Variants in RFX7 observed in about 807,000 individuals in gnomAD.
RFX7 encodes the protein DNA-binding protein RFX7.
In RFX7, 26 loss-of-function variants were observed where a neutral mutation model predicts 111.8. That is an observed-to-expected ratio of 0.23 (90% CI 0.17 to 0.32). RFX7 has a LOEUF of 0.32. Ranked by LOEUF, RFX7 falls within the 10% of genes least tolerant of loss-of-function variation. The probability of loss-of-function intolerance (pLI) is 1.00; values close to 1 mark genes in which losing one functional copy is unlikely to be tolerated. For synonymous variants in RFX7, 624 were observed against 624.4 expected (o/e 1.00, Z 0.01); for missense variants, 1,573 against 1,772.9 (o/e 0.89, Z 2.02).
intron 5 of RFX7, among the ~76,000 whole-genome samples, chr15:56,134,800 T>G (rs187670439): frequency 7.9e-4 from 121 of 152,238 alleles, no homozygotes; most frequent in African/African-American, 2.5e-3. Context: ...GAGCGTTATA[T>G]TCCCCTTCCT....
chr15:56,212,634 GTTC>G (rs2043324312), intron 2 of RFX7, among the ~76,000 whole-genome samples: 4 of 151,994 alleles, frequency 2.6e-5, no homozygotes, highest in African/African-American at 9.7e-5. Flanking sequence ...GTATCTTCTG[GTTC>G]TTCTTTTGTG....
chr15:56,217,481 T>C (rs914185854), intron 2 of RFX7, among the ~76,000 whole-genome samples: 1 of 151,868 alleles, frequency 6.6e-6, no homozygotes, highest in African/African-American at 2.4e-5. Flanking sequence ...GTCTTGAGAA[T>C]GTCACATACT....
intron 5 of RFX7, among the ~76,000 whole-genome samples, chr15:56,112,050 G>A (rs1206030854): frequency 6.6e-5 from 10 of 151,712 alleles, no homozygotes; most frequent in Non-Finnish European, 2.9e-5. Context: ...AGGAGGCGGA[G>A]GTTGCAGTGA....
At chr15:56,178,846 T>G (rs115587712) in intron 3 of RFX7, among the ~76,000 whole-genome samples, 2,448 of 152,224 alleles carry the variant, frequency 0.016, 69 homozygotes, top group African/African-American at 0.056. Context: ...AATCTAAACT[T>G]AAACTATTAT....
intron 2 of RFX7, among the ~76,000 whole-genome samples, chr15:56,194,321 G>A (rs1454755429): frequency 6.6e-6 from 1 of 152,018 alleles, no homozygotes; most frequent in Non-Finnish European, 1.5e-5. Flanking sequence ...AGAGGTATCT[G>A]TGAATACCAG....
chr15:56,104,136 AC>A (rs1419259949), intron 5 of RFX7, among the ~76,000 whole-genome samples: 2 of 152,182 alleles, frequency 1.3e-5, no homozygotes, highest in Non-Finnish European at 2.9e-5. Flanking sequence ...CTACGAATAC[AC>A]CAACACTCTC....
intron 3 of RFX7, among the ~76,000 whole-genome samples, chr15:56,146,947 G>A (rs1012700695): frequency 1.3e-5 from 2 of 152,210 alleles, no homozygotes; most frequent in African/African-American, 4.8e-5. Flanking sequence ...TGGATATACT[G>A]TGTCATCCAC....
intron 5 of RFX7, among the ~76,000 whole-genome samples, chr15:56,105,011 A>G (rs1465657590): frequency 1.3e-5 from 2 of 152,220 alleles, no homozygotes; most frequent in African/African-American, 4.8e-5. Flanking sequence ...GGTGCTGACA[A>G]TGGAAATGAG....
At position 56,087,440 on chromosome 15, in the gene RFX7, T is replaced by G. The variant is rs1476945455; in HGVS notation, c.*5905A>C. 2.2e-6 allele frequency: 1 copy of G among 456,716 alleles called. No individual in the cohort carries two copies. Among genetic ancestry groups the G allele is most frequent in the Non-Finnish European group, 4.4e-6 (1 of 226,972 alleles). 28.3% of individuals were successfully genotyped at this position (456,716 alleles called of 1,614,324 possible). On this transcript the variant is annotated 3_prime_UTR_variant, in exon 10 of 10. Transcript: ENST00000559447. ...CTCAGCATGTGTCTTTAACATGAAGTCCAGGAGGGCTGCTTGAGTTCTAGC... is the reference window on the plus strand; with the variant it reads ...CTCAGCATGTGTCTTTAACATGAAGGCCAGGAGGGCTGCTTGAGTTCTAGC...
Position 56,179,291 on chromosome 15 carries a change from T to G in RFX7, c.174A>C (p.Gln58His). 7.7e-7 allele frequency: 1 copy of G among 1,291,880 alleles called. No individual in the cohort carries two copies. Among genetic ancestry groups the G allele is most frequent in the Non-Finnish European group, 1.0e-6 (1 of 975,286 alleles). The allele number at this position is 1,291,880 out of a possible 1,614,324, so 80.0% of individuals were successfully genotyped here. A position where few individuals can be genotyped will look rare whatever the true frequency, so the allele number is the denominator to read the frequency against. ...KIKNSICKTV[Q>H]SKVDCILQEV... Reference sequence around the variant, plus strand: ...TTACCAAAATGCAGTCCACTTTAGATTGTACAGTTTTGCTAAAAGAAAGAG... The same window carrying G: ...TTACCAAAATGCAGTCCACTTTAGAGTGTACAGTTTTGCTAAAAGAAAGAG... The change falls in exon 3 of 10, where the codon CAA becomes CAC. Residue 58 changes from glutamine to histidine, a missense_variant. Physicochemically the swap from Gln to His is conservative, Grantham distance 24. Coordinates refer to ENST00000559447, the MANE Select transcript of RFX7 (RefSeq NM_022841.7).
intron 3 of RFX7, among the ~76,000 whole-genome samples, chr15:56,152,479 G>T (rs1333204884): frequency 6.6e-6 from 1 of 152,132 alleles, no homozygotes; most frequent in Non-Finnish European, 1.5e-5. Flanking sequence ...AATGAAGGCA[G>T]AAATAAAGAT....
rs1421789025 is a variant in RFX7, at chr15:56,114,996, T to C, written c.402-11326A>G. On this transcript the variant is annotated intron_variant, in intron 5 of 9. Transcript: ENST00000559447. ...TGGCCTATGAAGAAGCCATTTAAAA[T>C]GACTATTCTTTTTTTATTTTTATTT... Among the ~76,000 whole-genome samples the C allele has an allele frequency of 2.0e-5, 3 of 152,268 alleles. No individual in the cohort carries two copies. The East Asian group carries it at 5.8e-4, about 29-fold the overall frequency.
intron 5 of RFX7, among the ~76,000 whole-genome samples, chr15:56,139,261 C>T (rs572351101): frequency 3.0e-4 from 45 of 150,760 alleles, no homozygotes; most frequent in African/African-American, 9.4e-4. Context: ...ACCAATCAGA[C>T]GTAGATTTGG....
chr15:56,142,890 C>A lies in RFX7; in HGVS notation c.289G>T (p.Ala97Ser). The change falls in exon 5 of 10, where the codon GCC becomes TCC. Residue 97 changes from alanine (A) to serine (S), a missense_variant. Transcript: ENST00000559447. ...TGTTGTGCCCGACTAGATGACATGGCATTCTGATCACTAATAGAATGAAAA... is the reference window on the plus strand; with the variant it reads ...TGTTGTGCCCGACTAGATGACATGGAATTCTGATCACTAATAGAATGAAAA... ...LSNGEKSDQN[A>S]MSSSRAQQMH... 2 of 1,613,490 alleles carry A rather than the reference C, an allele frequency of 1.2e-6. No homozygotes were observed. Among genetic ancestry groups the A allele is most frequent in the Non-Finnish European group, 1.7e-6 (2 of 1,179,648 alleles).
intron 2 of RFX7, among the ~76,000 whole-genome samples, chr15:56,211,620 G>A (rs1786907612): frequency 6.6e-6 from 1 of 152,060 alleles, no homozygotes; most frequent in Non-Finnish European, 1.5e-5. Context: ...TTGAGCTACA[G>A]ATGGAGAAAA....
intron 2 of RFX7, among the ~76,000 whole-genome samples, chr15:56,181,211 G>T (rs1350301787): frequency 1.3e-5 from 2 of 152,200 alleles, no homozygotes; most frequent in Non-Finnish European, 2.9e-5. Flanking sequence ...CAGCCTCCGT[G>T]ATAGCTCCGC....
chr15:56,201,684 G>A (rs1200971644), intron 2 of RFX7, among the ~76,000 whole-genome samples: 2 of 152,044 alleles, frequency 1.3e-5, no homozygotes, highest in Non-Finnish European at 2.9e-5. Context: ...CTCTTTTTGG[G>A]CTACTTCAAA....
At chr15:56,179,736 TTC>T (rs1312102028) in intron 2 of RFX7, among the ~76,000 whole-genome samples, 1 of 146,628 alleles carries the variant, frequency 6.8e-6, no homozygotes, top group Non-Finnish European at 1.5e-5. Flanking sequence ...ACATAAAAGA[TTC>T]TGTTCCCTCC....
At chr15:56,135,028 G>C (rs2042278734) in intron 5 of RFX7, among the ~76,000 whole-genome samples, 1 of 152,092 alleles carries the variant, frequency 6.6e-6, no homozygotes, top group Admixed American at 6.5e-5. Flanking sequence ...TGGACATTTG[G>C]GTTGGTTCCA....
Sources: gnomAD v4.1 joint callset for allele counts (sites outside exome capture counted in the v4.1 genomes callset) on GRCh38, gnomAD v4.1.1 for gene constraint, MANE v1.5 for transcripts, NCBI Gene and HGNC (gene_info 2026-07-23, HGNC 2026-07-21) for gene names.